The following ENPEP variants were observed in gnomAD, a reference collection of about 807,000 sequenced individuals.
ENPEP encodes the protein glutamyl aminopeptidase, also known as AP-A.
Under a neutral mutation model 114.5 loss-of-function variants are expected in ENPEP, and 103 were observed. The ratio of observed to expected loss-of-function variants is 0.90; its 90% CI spans 0.77 to 1.06. The LOEUF (loss-of-function observed/expected upper bound fraction) is 1.06, where lower values mean the gene tolerates loss of function less well. Among genes scored for constraint, ENPEP ranks in the 50% least tolerant of loss-of-function variants. The pLI is 0.00. For missense variants in ENPEP, 1,196 were observed against 1,161.3 expected (o/e 1.03, Z -0.43); for synonymous variants, 420 against 422.0 (o/e 1.00, Z 0.06).
chr4:110,542,718 A>T, intron 11 of ENPEP, 33 bp from the exon 12 acceptor site: 1 of 1,578,902 alleles, frequency 6.3e-7, no homozygotes, highest in Non-Finnish European at 8.6e-7. Context: ...GCATGCAAAC[A>T]TGTTGCTCAT....
chr4:110,543,311 G>A (rs961263714), intron 13 of ENPEP, among the ~76,000 whole-genome samples: 1 of 152,042 alleles, frequency 6.6e-6, no homozygotes, highest in Non-Finnish European at 1.5e-5. Context: ...TTGACTTTGA[G>A]TATGGTTTGT....
intron 11 of ENPEP, among the ~76,000 whole-genome samples, chr4:110,534,506 T>TTC (rs1553918653): frequency 7.2e-6 from 1 of 139,170 alleles, no homozygotes; most frequent in African/African-American, 2.6e-5. Context: ...CGTTGTTTCT[T>TTC]TTTTTTTTTT....
At chr4:110,518,811 C>T (rs924389876) in intron 8 of ENPEP, among the ~76,000 whole-genome samples, 6 of 152,100 alleles carry the variant, frequency 3.9e-5, no homozygotes, top group African/African-American at 9.7e-5. Context: ...TCCAGTTCCA[C>T]GATTGCATGG....
At chr4:110,488,720 CTG>C (rs1724595770) in intron 2 of ENPEP, 38 bp downstream of exon 2, 1 of 1,582,034 alleles carries the variant, frequency 6.3e-7, no homozygotes, top group African/African-American at 1.4e-5. Context: ...TGCAGAGAGT[CTG>C]TTGACAACAT....
rs773576095 is a variant in ENPEP, at chr4:110,476,380, CT to C, written c.-30del. The C allele has an allele frequency of 2.0e-6, 3 of 1,500,802 alleles. No homozygotes were observed. Among genetic ancestry groups the C allele is most frequent in the Non-Finnish European group, 2.7e-6 (3 of 1,123,394 alleles). The allele number at this position is 1,500,802 out of a possible 1,614,324, so 93.0% of individuals were successfully genotyped here. A position where few individuals can be genotyped will look rare whatever the true frequency, so the allele number is the denominator to read the frequency against. ...GACGTTAGTTAGTTAAATTTAACAT[CT>C]TTTTATGTGTAACACTTGACTTTGG... On this transcript the variant is annotated 5_prime_UTR_variant, in exon 1 of 20. Coordinates refer to ENST00000265162, the MANE Select transcript of ENPEP (RefSeq NM_001977.4).
At chr4:110,480,927 G>C (rs1329145812) in intron 1 of ENPEP, among the ~76,000 whole-genome samples, 1 of 152,116 alleles carries the variant, frequency 6.6e-6, no homozygotes, top group African/African-American at 2.4e-5. Flanking sequence ...ATGTTTCTCT[G>C]ACCACACCCT....
intron 3 of ENPEP, among the ~76,000 whole-genome samples, chr4:110,504,890 G>A (rs1170474909): frequency 6.6e-6 from 1 of 152,172 alleles, no homozygotes; most frequent in Non-Finnish European, 1.5e-5. Flanking sequence ...ACCTCACCAT[G>A]ATCTTTCAAC....
chr4:110,487,053 T>C (rs2110335256), intron 1 of ENPEP, among the ~76,000 whole-genome samples: 1 of 152,258 alleles, frequency 6.6e-6, no homozygotes, highest in Middle Eastern at 3.4e-3. Context: ...AGCCAGATAC[T>C]GGTCTGGGTG....
intron 11 of ENPEP, among the ~76,000 whole-genome samples, chr4:110,541,344 C>G (rs1357020205): frequency 6.6e-6 from 1 of 152,138 alleles, no homozygotes; most frequent in African/African-American, 2.4e-5. Context: ...CCTCTATTCT[C>G]TACTGGCAGC....
chr4:110,476,946 A>G lies in ENPEP; in HGVS notation c.532A>G (p.Thr178Ala). The G allele has an allele frequency of 4.3e-6, 7 of 1,613,958 alleles. No individual in the cohort carries two copies. The highest frequency in any genetic ancestry group is 2.2e-5 in the East Asian group (1 of 44,856). ...GGTGGTCGAGGCGGAGGAAGAGCTT[A>G]CCCCCAGCAGTGGAGATGGCCTGTA... ...YVVVEAEEEL[T>A]PSSGDGLYLL... Residue 178 changes from threonine to alanine, a missense_variant, in exon 1 of 20, where the codon ACC (threonine) becomes GCC (alanine). Thr to Ala is a moderately conservative substitution (Grantham distance 58). Transcript: ENST00000265162.
At chr4:110,553,598 C>A (rs1727371672) in intron 18 of ENPEP, 143 bp downstream of exon 18, 2 of 776,558 alleles carry the variant, frequency 2.6e-6, no homozygotes, top group African/African-American at 1.8e-5. Context: ...TGGTATTATC[C>A]TTCCAGGGAA....
intron 3 of ENPEP, among the ~76,000 whole-genome samples, chr4:110,494,022 A>T (rs1724828502): frequency 6.6e-6 from 1 of 152,248 alleles, no homozygotes; most frequent in Non-Finnish European, 1.5e-5. Context: ...AAGTCATAAC[A>T]AAATTAAACA....
chr4:110,486,446 T>G (rs1369228339), intron 1 of ENPEP, among the ~76,000 whole-genome samples: 2 of 152,224 alleles, frequency 1.3e-5, no homozygotes, highest in African/African-American at 4.8e-5. Flanking sequence ...CTTTCAATTC[T>G]TCAACCACAG....
rs376604659 is a variant in ENPEP at position 110,510,325 on chromosome 4, G to T, written c.1275G>T (p.Leu425=). 35 of 1,613,996 alleles carry T rather than the reference G, an allele frequency of 2.2e-5. No individual in the cohort carries two copies. The highest frequency in any genetic ancestry group is 2.8e-5 in the Non-Finnish European group (33 of 1,180,006). The stretch of plus-strand genomic sequence containing the variant: ...GATTTGCTTCTTTCTTTGAGTTTCT[G>T]GGAGTAAACCATGCAGAAACAGACT... The part of the protein sequence containing the change: ...NEGFASFFEF[L]GVNHAETDWQ... The change falls in exon 6 of 20, where the codon CTG becomes CTT. Residue 425 remains leucine, a synonymous_variant. Coordinates refer to ENST00000265162, the MANE Select transcript of ENPEP (RefSeq NM_001977.4).
intron 7 of ENPEP, 132 bp downstream of exon 7, chr4:110,513,681 G>A: frequency 9.5e-7 from 1 of 1,050,848 alleles, no homozygotes; most frequent in African/African-American, 1.6e-5. Context: ...GTTATTCTGA[G>A]TGCTGAATAT....
chr4:110,490,046 A>G (rs2110337673), intron 2 of ENPEP, among the ~76,000 whole-genome samples: 1 of 152,316 alleles, frequency 6.6e-6, no homozygotes. Flanking sequence ...AACTTAAAGT[A>G]TGACACACCA....
At position 110,558,032 on chromosome 4, in the gene ENPEP, A is replaced by ATTTTTTTTTTTTTT. The variant is rs201439917; in HGVS notation, c.2643-1613_2643-1600dup. On this transcript the variant is annotated intron_variant, in intron 18 of 19. Coordinates refer to ENST00000265162, the MANE Select transcript of ENPEP (RefSeq NM_001977.4). ...GGCTTCTAATTTTGTATATGGTAGG[A>ATTTTTTTTTTTTTT]TTTTTTTTTTTTTTTGTATAAAACT... Among the ~76,000 whole-genome samples the ATTTTTTTTTTTTTT allele has an allele frequency of 4.8e-4, 50 of 103,196 alleles. 1 individual carries two copies. The highest frequency in any genetic ancestry group is 1.9e-3 in the African/African-American group (44 of 23,216). The allele number at this position is 103,196 out of a possible 152,430, so 67.7% of individuals were successfully genotyped here.
chr4:110,530,808 T>G (rs1726378678), intron 10 of ENPEP, among the ~76,000 whole-genome samples: 2 of 152,194 alleles, frequency 1.3e-5, no homozygotes, highest in Non-Finnish European at 2.9e-5. Flanking sequence ...TAAAAATGTT[T>G]TGTGTTCCTT....
chr4:110,488,516 G>A (rs763645185), intron 1 of ENPEP, 25 bp from the exon 2 acceptor site: 2 of 1,556,310 alleles, frequency 1.3e-6, no homozygotes, highest in Admixed American at 1.9e-5. Flanking sequence ...CATGCATTTC[G>A]TTTGTTTGTT....
Sources: gnomAD v4.1 joint callset for allele counts (sites outside exome capture counted in the v4.1 genomes callset) on GRCh38, gnomAD v4.1.1 for gene constraint, MANE v1.5 for transcripts, NCBI Gene and HGNC (gene_info 2026-07-23, HGNC 2026-07-21) for gene names.